The following MSH3 variants were observed in gnomAD, a reference collection of about 807,000 sequenced individuals.
MSH3 encodes DNA mismatch repair protein Msh3.
Under a neutral mutation model 123.3 loss-of-function variants are expected in MSH3, and 106 were observed. That is an observed-to-expected ratio of 0.86 (90% CI 0.73 to 1.01). MSH3 has a LOEUF of 1.01. Ranked by LOEUF, MSH3 falls within the 50% of genes least tolerant of loss-of-function variation. The probability of loss-of-function intolerance (pLI) is 0.00; values close to 1 mark genes in which losing one functional copy is unlikely to be tolerated. For synonymous variants in MSH3, 515 were observed against 481.4 expected (o/e 1.07, Z -0.91); for missense variants, 1,459 against 1,347.6 (o/e 1.08, Z -1.29).
At chr5:80,837,648 C>T (rs1745540904) in intron 20 of MSH3, among the ~76,000 whole-genome samples, 1 of 152,094 alleles carries the variant, frequency 6.6e-6, no homozygotes. Flanking sequence ...AAAGAAAATG[C>T]TGAATTCTCA....
chr5:80,675,761 G>A (rs1268884419), intron 7 of MSH3, among the ~76,000 whole-genome samples: 4 of 152,306 alleles, frequency 2.6e-5, no homozygotes, highest in East Asian at 1.9e-4. Context: ...TAAGGTTGAA[G>A]ATAGACACAA....
intron 12 of MSH3, among the ~76,000 whole-genome samples, chr5:80,750,482 A>T (rs1743813396): frequency 6.6e-6 from 1 of 152,058 alleles, no homozygotes. Context: ...CTGATTAGAG[A>T]TGTTGAGCAT....
rs753997322 is a variant in MSH3, at chr5:80,792,723, T to C, written c.2544-10T>C. The C allele has an allele frequency of 1.3e-5, 20 of 1,549,918 alleles. No homozygotes were observed. Among genetic ancestry groups the C allele is most frequent in the Middle Eastern group, 1.7e-4 (1 of 5,906 alleles). On this transcript the variant is annotated splice_polypyrimidine_tract_variant and intron_variant, in intron 18 of 23. Coordinates refer to ENST00000265081, the MANE Select transcript of MSH3 (RefSeq NM_002439.5). The stretch of plus-strand genomic sequence containing the variant: ...TGCCTAGTAAATTGAAACATATTTC[T>C]TTTTTGCAGACCAACTGTACAAGAA...
intron 20 of MSH3, among the ~76,000 whole-genome samples, chr5:80,830,525 A>T (rs1415332579): frequency 6.6e-6 from 1 of 152,232 alleles, no homozygotes; most frequent in Non-Finnish European, 1.5e-5. Context: ...GATTAATTTT[A>T]TCCATGATGA....
chr5:80,722,766 A>G (rs1751108277), intron 8 of MSH3, among the ~76,000 whole-genome samples: 1 of 152,208 alleles, frequency 6.6e-6, no homozygotes, highest in Non-Finnish European at 1.5e-5. Context: ...ACCTCTATTT[A>G]AGATGTTATT....
chr5:80,817,340 C>T (rs574432658), intron 20 of MSH3, among the ~76,000 whole-genome samples: 6 of 152,150 alleles, frequency 3.9e-5, no homozygotes, highest in East Asian at 3.9e-4. Context: ...GAGCTGCTTT[C>T]GTGGAGTGGT....
chr5:80,771,598 C>G (rs905962321), intron 15 of MSH3, among the ~76,000 whole-genome samples: 3 of 152,134 alleles, frequency 2.0e-5, no homozygotes, highest in Non-Finnish European at 4.4e-5. Context: ...GTGGAAAACC[C>G]TTATTTTACA....
chr5:80,822,704 G>A (rs1013976945), intron 20 of MSH3, among the ~76,000 whole-genome samples: 1 of 152,176 alleles, frequency 6.6e-6, no homozygotes, highest in Non-Finnish European at 1.5e-5. Context: ...GGAGCACTGT[G>A]GCCATAATAG....
intron 8 of MSH3, among the ~76,000 whole-genome samples, chr5:80,724,351 A>G (rs1751149201): frequency 7.0e-6 from 1 of 143,730 alleles, no homozygotes; most frequent in Admixed American, 7.2e-5. Flanking sequence ...ATATGTTTAT[A>G]AAATCATCTC....
intron 19 of MSH3, among the ~76,000 whole-genome samples, chr5:80,796,263 G>A (rs1744697265): frequency 6.6e-6 from 1 of 151,690 alleles, no homozygotes. Context: ...AATAAAGCAA[G>A]ATTTGAAGAA....
intron 16 of MSH3, among the ~76,000 whole-genome samples, chr5:80,776,902 TATA>T (rs1744312538): frequency 6.9e-6 from 1 of 145,362 alleles, no homozygotes; most frequent in Non-Finnish European, 1.5e-5. Flanking sequence ...ATACAAAAAA[TATA>T]ATACAAATAT....
intron 8 of MSH3, among the ~76,000 whole-genome samples, chr5:80,721,870 A>C (rs1459024623): frequency 1.3e-5 from 2 of 152,020 alleles, no homozygotes; most frequent in African/African-American, 4.8e-5. Flanking sequence ...TGAGGGAGGG[A>C]GTGTTCTGCT....
intron 8 of MSH3, among the ~76,000 whole-genome samples, chr5:80,681,121 T>C (rs1218494476): frequency 1.3e-5 from 2 of 152,166 alleles, no homozygotes; most frequent in African/African-American, 4.8e-5. Context: ...ACATTGAGGG[T>C]GATCATTTAA....
intron 8 of MSH3, among the ~76,000 whole-genome samples, chr5:80,704,760 T>G (rs528874761): frequency 6.6e-6 from 1 of 152,362 alleles, no homozygotes; most frequent in Non-Finnish European, 1.5e-5. Flanking sequence ...ATGACCCATT[T>G]TACAGAAGTT....
At chr5:80,863,658 CAAA>C (rs1037828159) in intron 21 of MSH3, among the ~76,000 whole-genome samples, 3 of 110,668 alleles carry the variant, frequency 2.7e-5, no homozygotes, top group Admixed American at 1.9e-4. Flanking sequence ...CACTCCGTCT[CAAA>C]AAAAAAAAAA....
chr5:80,787,537 C>T (rs1744530123), intron 17 of MSH3, 28 bp from the exon 18 acceptor site: 1 of 1,488,472 alleles, frequency 6.7e-7, no homozygotes, highest in South Asian at 1.1e-5. Flanking sequence ...GTTTGCTCAC[C>T]TTTTTGTTGT....
At chr5:80,790,869 A>G (rs1003176066) in intron 18 of MSH3, among the ~76,000 whole-genome samples, 5 of 152,242 alleles carry the variant, frequency 3.3e-5, no homozygotes, top group Non-Finnish European at 5.9e-5. Context: ...TGCCCTGCAT[A>G]TTCATGGTGA....
In MSH3 at chr5:80,685,793, A is replaced by G. The variant is rs189520663; in HGVS notation, c.1340+6700A>G. 3.3e-5 allele frequency among the ~76,000 whole-genome samples: 5 copies of G among 152,178 alleles called. No individual in the cohort carries two copies. In the East Asian group the frequency reaches 9.7e-4, roughly 29 times the overall value. The stretch of plus-strand genomic sequence containing the variant: ...TTTTTTCATGTAGGTGCTTTTAGCT[A>G]TAAACTTCCCTCTTAGTACAGCCGT... On this transcript the variant is annotated intron_variant, in intron 8 of 23. Coordinates refer to ENST00000265081, the MANE Select transcript of MSH3 (RefSeq NM_002439.5).
intron 20 of MSH3, among the ~76,000 whole-genome samples, chr5:80,850,184 C>T (rs1045205654): frequency 2.0e-5 from 3 of 152,180 alleles, no homozygotes; most frequent in African/African-American, 7.2e-5. Flanking sequence ...CCACCTCAGC[C>T]TGGACCTTAT....
Sources: gnomAD v4.1 joint callset for allele counts (sites outside exome capture counted in the v4.1 genomes callset) on GRCh38, gnomAD v4.1.1 for gene constraint, MANE v1.5 for transcripts, NCBI Gene and HGNC (gene_info 2026-07-23, HGNC 2026-07-21) for gene names.